RERE: variants seen among roughly 807,000 people sequenced by gnomAD.
RERE encodes arginine-glutamic acid dipeptide repeats.
Under a neutral mutation model 146.1 loss-of-function variants are expected in RERE, and 40 were observed. That is an observed-to-expected ratio of 0.27 (90% CI 0.21 to 0.36). The LOEUF is 0.36. Among genes scored for constraint, RERE ranks in the 10% least tolerant of loss-of-function variants. The probability of loss-of-function intolerance (pLI) is 1.00; values close to 1 mark genes in which losing one functional copy is unlikely to be tolerated. For missense variants in RERE, 1,933 were observed against 2,138.7 expected, an observed-to-expected ratio of 0.90 and a Z score of 1.90; for synonymous variants, 1,003 against 866.0, an observed-to-expected ratio of 1.16 and a Z score of -2.78.
rs185818677 is a variant in RERE, at chr1:8,703,633, G to A, written c.-144-47192C>T. On this transcript the variant is annotated intron_variant, in intron 1 of 22. Coordinates refer to ENST00000400908, the MANE Select transcript of RERE (RefSeq NM_001042681.2). The stretch of plus-strand genomic sequence containing the variant: ...GAACTGGGAGCCTGCGTGATTGATG[G>A]CAGCTCTTAATAGCGTGGTCAGCTA... 4.0e-4 allele frequency among the ~76,000 whole-genome samples: 61 copies of A among 152,302 alleles called. 2 individuals carry two copies. Among genetic ancestry groups the A allele is most frequent in the Non-Finnish European group, 1.6e-4 (11 of 68,020 alleles).
At chr1:8,583,269 T>C (rs531102541) in intron 4 of RERE, among the ~76,000 whole-genome samples, 31 of 152,292 alleles carry the variant, frequency 2.0e-4, no homozygotes, top group African/African-American at 7.5e-4. Context: ...AAATTCCTGC[T>C]GACACACAAC....
chr1:8,814,021 T>C (rs1288698868), intron 1 of RERE, among the ~76,000 whole-genome samples: 1 of 152,244 alleles, frequency 6.6e-6, no homozygotes, highest in African/African-American at 2.4e-5. Context: ...TTGTTGTGAA[T>C]TGGTTCTCAG....
At chr1:8,535,532 C>A (rs556186519) in intron 7 of RERE, among the ~76,000 whole-genome samples, 42 of 152,298 alleles carry the variant, frequency 2.8e-4, no homozygotes, top group African/African-American at 9.4e-4. Flanking sequence ...AGGTCTTCTA[C>A]TCTACTTACA....
chr1:8,639,842 A>G (rs1188739589), intron 2 of RERE, among the ~76,000 whole-genome samples: 2 of 152,184 alleles, frequency 1.3e-5, no homozygotes, highest in African/African-American at 4.8e-5. Flanking sequence ...CACAGTAGCT[A>G]TGTTTTATAA....
chr1:8,547,460 A>C (rs1177116927), intron 6 of RERE, among the ~76,000 whole-genome samples: 2 of 152,194 alleles, frequency 1.3e-5, no homozygotes, highest in Non-Finnish European at 2.9e-5. Flanking sequence ...ACAACAAATA[A>C]AATTAAATGA....
At chr1:8,560,570 C>T (rs1477756353) in intron 4 of RERE, among the ~76,000 whole-genome samples, 1 of 152,164 alleles carries the variant, frequency 6.6e-6, no homozygotes, top group Non-Finnish European at 1.5e-5. Context: ...GGGCACATTA[C>T]CGAGATTCTC....
intron 4 of RERE, among the ~76,000 whole-genome samples, chr1:8,582,723 AAAAC>A (rs1389715808): frequency 1.3e-5 from 2 of 152,144 alleles, no homozygotes; most frequent in Admixed American, 6.6e-5. Flanking sequence ...CTCCATCTCA[AAAAC>A]AAACAAACAA....
rs540265562 is a variant in RERE, at chr1:8,444,730, T to A, written c.1203+21195A>T. ...CAATAGTGAGTGAGTTCTTGCAAGA[T>A]CTGGTTGTTTAAAAGTGTGTAGCAG... On this transcript the variant is annotated intron_variant, in intron 11 of 22. Transcript: ENST00000400908. 7.5e-4 allele frequency among the ~76,000 whole-genome samples: 114 copies of A among 152,190 alleles called. 1 individual carries two copies. The highest frequency in any genetic ancestry group is 9.4e-4 in the African/African-American group (39 of 41,524).
At chr1:8,720,094 C>A (rs1050429023) in intron 1 of RERE, among the ~76,000 whole-genome samples, 2 of 151,450 alleles carry the variant, frequency 1.3e-5, no homozygotes, top group Non-Finnish European at 2.9e-5. Flanking sequence ...TGAAACCCTG[C>A]CTCTACTAAA....
chr1:8,633,738 G>C (rs1338924733), intron 2 of RERE, among the ~76,000 whole-genome samples: 1 of 151,898 alleles, frequency 6.6e-6, no homozygotes, highest in Non-Finnish European at 1.5e-5. Context: ...ACCAACCTGG[G>C]CAACGTGGCA....
At chr1:8,361,923 T>C in intron 16 of RERE, 47 bp from the exon 17 acceptor site, 6 of 1,323,256 alleles carry the variant, frequency 4.5e-6, no homozygotes, top group South Asian at 1.2e-5. Flanking sequence ...AGGGAGACCA[T>C]CCCATCAGCC....
intron 6 of RERE, among the ~76,000 whole-genome samples, chr1:8,544,219 T>C (rs1462783731): frequency 6.6e-6 from 1 of 152,234 alleles, no homozygotes; most frequent in African/African-American, 2.4e-5. Flanking sequence ...CTGGTCATAA[T>C]GTATTTTTTA....
chr1:8,482,357 A>T (rs1313447781), intron 10 of RERE, among the ~76,000 whole-genome samples: 1 of 152,128 alleles, frequency 6.6e-6, no homozygotes, highest in Non-Finnish European at 1.5e-5. Flanking sequence ...GAAACAAAGT[A>T]CTAAATTTTA....
chr1:8,697,014 T>C (rs926594356), intron 1 of RERE, among the ~76,000 whole-genome samples: 1 of 152,050 alleles, frequency 6.6e-6, no homozygotes, highest in African/African-American at 2.4e-5. Flanking sequence ...CAAACTCAAA[T>C]TGCTCCTGCA....
intron 7 of RERE, among the ~76,000 whole-genome samples, chr1:8,524,154 T>C (rs1172098010): frequency 6.6e-6 from 1 of 152,196 alleles, no homozygotes; most frequent in African/African-American, 2.4e-5. Context: ...AGCAACATTA[T>C]ATGGTATGGG....
At chr1:8,618,929 G>A (rs1319244337) in intron 3 of RERE, among the ~76,000 whole-genome samples, 2 of 152,182 alleles carry the variant, frequency 1.3e-5, no homozygotes, top group Admixed American at 1.3e-4. Flanking sequence ...TTCTGCTGTT[G>A]TACTGTCAGG....
chr1:8,400,174 T>G (rs1643198897), intron 12 of RERE, among the ~76,000 whole-genome samples: 1 of 146,100 alleles, frequency 6.8e-6, no homozygotes, highest in Middle Eastern at 3.2e-3. Context: ...AATATAAATA[T>G]ATCACCTACA....
rs894719688 is a variant in RERE, at chr1:8,747,203, A to G, written c.-145+69957T>C. ...TTTTTAGTAGAGACAGGGTTTCACC[A>G]TGTTAACCTGGATGGTCTCGATCTC... On this transcript the variant is annotated intron_variant, in intron 1 of 22. Transcript: ENST00000400908. Among the ~76,000 whole-genome samples the G allele has an allele frequency of 2.2e-4, 33 of 152,152 alleles. No individual in the cohort carries two copies. The East Asian group carries it at 4.3e-3, about 20-fold the overall frequency.
At chr1:8,806,832 A>G (rs183077923) in intron 1 of RERE, 1 of 152,256 alleles carries the variant, frequency 6.6e-6, no homozygotes, top group Admixed American at 6.5e-5. Context: ...AGGCTACAAT[A>G]TGAGAGTACA....
Sources: gnomAD v4.1 joint callset for allele counts (sites outside exome capture counted in the v4.1 genomes callset) on GRCh38, gnomAD v4.1.1 for gene constraint, MANE v1.5 for transcripts, NCBI Gene and HGNC (gene_info 2026-07-23, HGNC 2026-07-21) for gene names.